Variants in UGGT2 observed in about 807,000 individuals in gnomAD.
UGGT2 encodes UDP-glucose:glycoprotein glucosyltransferase 2.
A neutral mutation model predicts 192.1 loss-of-function variants in UGGT2; 180 were observed. The ratio of observed to expected loss-of-function variants is 0.94; its 90% CI spans 0.83 to 1.06. The LOEUF (loss-of-function observed/expected upper bound fraction) is 1.06, where lower values mean the gene tolerates loss of function less well. UGGT2 is among the 50% of genes least tolerant of loss of function. The probability of loss-of-function intolerance (pLI) is 0.00; values close to 1 mark genes in which losing one functional copy is unlikely to be tolerated. For synonymous variants in UGGT2, 580 were observed against 591.0 expected (o/e 0.98, Z 0.27); for missense variants, 1,849 against 1,795.7 (o/e 1.03, Z -0.54).
chr13:95,859,080 T>A (rs1008467358), intron 33 of UGGT2, among the ~76,000 whole-genome samples: 1 of 152,084 alleles, frequency 6.6e-6, no homozygotes, highest in Non-Finnish European at 1.5e-5. Flanking sequence ...TAGGGCTGAG[T>A]AAAGGGTAAT....
intron 27 of UGGT2, among the ~76,000 whole-genome samples, chr13:95,879,895 AT>A (rs77881466): frequency 1.6e-4 from 25 of 151,942 alleles, no homozygotes; most frequent in African/African-American, 4.6e-4. Context: ...GAATGTATTA[AT>A]TTTTTTTTAT....
chr13:95,883,681 G>A (rs534838571), intron 27 of UGGT2, among the ~76,000 whole-genome samples: 1 of 152,084 alleles, frequency 6.6e-6, no homozygotes, highest in South Asian at 2.1e-4. Context: ...TGCTTCTGGA[G>A]GCCTCCCTAG....
At chr13:95,847,461 C>A (rs1435409144) in intron 36 of UGGT2, among the ~76,000 whole-genome samples, 1 of 152,174 alleles carries the variant, frequency 6.6e-6, no homozygotes, top group Non-Finnish European at 1.5e-5. Context: ...TCACTTGCCC[C>A]CTCCCTGCCA....
chr13:95,872,195 A>G (rs1891281677), intron 29 of UGGT2, among the ~76,000 whole-genome samples: 1 of 152,218 alleles, frequency 6.6e-6, no homozygotes, highest in Non-Finnish European at 1.5e-5. Context: ...AAAGAAATAA[A>G]GGAGAATAAT....
At chr13:95,831,596 CTTTTT>C (rs996921384) in intron 38 of UGGT2, among the ~76,000 whole-genome samples, 2 of 151,866 alleles carry the variant, frequency 1.3e-5, no homozygotes, top group Non-Finnish European at 2.9e-5. Context: ...CATCATTTTT[CTTTTT>C]TTAAGTTTGT....
At chr13:95,885,713 G>T (rs1166188675) in intron 26 of UGGT2, among the ~76,000 whole-genome samples, 1 of 152,122 alleles carries the variant, frequency 6.6e-6, no homozygotes, top group African/African-American at 2.4e-5. Context: ...AAACAGGAGA[G>T]AATACAGTCA....
Position 95,878,692 on chromosome 13 carries a change from T to A in UGGT2, c.3229-836A>T, listed in dbSNP as rs186821789. ...ATTAAAGACAGCAATGTTACCTATA[T>A]CTAATCTTATTTCACCATATTAGGT... On this transcript the variant is annotated intron_variant, in intron 27 of 38. Transcript: ENST00000376747. Among the ~76,000 whole-genome samples, 139 of 152,338 alleles carry A rather than the reference T, an allele frequency of 9.1e-4. 1 individual carries two copies. Among genetic ancestry groups the A allele is most frequent in the Admixed American group, 8.3e-3 (127 of 15,306 alleles).
chr13:95,856,401 A>C, intron 33 of UGGT2, 61 bp from the exon 34 acceptor site: 1 of 1,549,030 alleles, frequency 6.5e-7, no homozygotes, highest in South Asian at 1.2e-5. Flanking sequence ...TGTTTTAGAG[A>C]AAAAAATAAC....
chr13:95,934,391 G>A (rs1170013145), intron 17 of UGGT2, among the ~76,000 whole-genome samples: 1 of 152,202 alleles, frequency 6.6e-6, no homozygotes, highest in Non-Finnish European at 1.5e-5. Flanking sequence ...ACTGATCAGT[G>A]TCCATTTAAG....
intron 36 of UGGT2, among the ~76,000 whole-genome samples, chr13:95,838,287 G>T (rs1336920710): frequency 1.3e-5 from 2 of 152,052 alleles, no homozygotes; most frequent in East Asian, 3.8e-4. Flanking sequence ...AAAATTCTGA[G>T]GAAAGAAATC....
intron 30 of UGGT2, among the ~76,000 whole-genome samples, chr13:95,865,654 A>G (rs1183406518): frequency 1.3e-5 from 2 of 152,186 alleles, no homozygotes; most frequent in African/African-American, 4.8e-5. Context: ...ACAGAGCGAG[A>G]CTACATCTCA....
At chr13:95,979,522 A>T (rs2051046022) in intron 10 of UGGT2, among the ~76,000 whole-genome samples, 1 of 116,998 alleles carries the variant, frequency 8.5e-6, no homozygotes, top group African/African-American at 3.2e-5. Context: ...GTAAATATAT[A>T]TTCTCATTTC....
intron 36 of UGGT2, among the ~76,000 whole-genome samples, chr13:95,851,740 G>C (rs1042344764): frequency 6.6e-6 from 1 of 152,326 alleles, no homozygotes. Flanking sequence ...AACTACATTT[G>C]AGTAAGGACA....
At chr13:95,805,833 T>C (rs915330104) in intron 38 of UGGT2, among the ~76,000 whole-genome samples, 1 of 152,110 alleles carries the variant, frequency 6.6e-6, no homozygotes, top group South Asian at 2.1e-4. Context: ...GAAAAAGTTC[T>C]GGAGTTCTAT....
chr13:95,970,756 T>C (rs1945674253), intron 11 of UGGT2, among the ~76,000 whole-genome samples: 1 of 152,166 alleles, frequency 6.6e-6, no homozygotes, highest in Non-Finnish European at 1.5e-5. Context: ...TAGAAAGTAT[T>C]ACTGTAAACA....
rs1164996051 is a variant in UGGT2 at position 95,887,983 on chromosome 13, A to G, written c.2959-12T>C. The G allele has an allele frequency of 1.3e-6, 2 of 1,559,670 alleles. No individual in the cohort carries two copies. Among genetic ancestry groups the G allele is most frequent in the Admixed American group, 3.4e-5 (2 of 57,996 alleles). On this transcript the variant is annotated splice_polypyrimidine_tract_variant and intron_variant, in intron 25 of 38. Coordinates refer to ENST00000376747, the MANE Select transcript of UGGT2 (RefSeq NM_020121.4). ...ATCTTGCCAAGTACCTATTGGAAAG[A>G]AATTCCCATGTTTGATATTAAATAA... is the stretch of plus-strand genomic sequence containing the variant.
intron 36 of UGGT2, among the ~76,000 whole-genome samples, chr13:95,850,942 C>T (rs1478562028): frequency 6.6e-6 from 1 of 152,218 alleles, no homozygotes; most frequent in Non-Finnish European, 1.5e-5. Flanking sequence ...AGCCCATATC[C>T]AATGACTGGT....
At chr13:95,860,224 A>G (rs1890028665) in intron 32 of UGGT2, among the ~76,000 whole-genome samples, 1 of 151,596 alleles carries the variant, frequency 6.6e-6, no homozygotes, top group Non-Finnish European at 1.5e-5. Context: ...GTACTTTGCA[A>G]TATGCATTTC....
intron 27 of UGGT2, among the ~76,000 whole-genome samples, chr13:95,881,596 A>G (rs2047497454): frequency 1.3e-5 from 2 of 152,202 alleles, no homozygotes; most frequent in African/African-American, 4.8e-5. Context: ...GAATATATCA[A>G]TAAATAAAAC....
Sources: allele counts gnomAD v4.1 joint callset (sites outside exome capture counted in the v4.1 genomes callset), GRCh38; gene constraint gnomAD v4.1.1; transcripts MANE v1.5; gene names NCBI Gene and HGNC (gene_info 2026-07-23, HGNC 2026-07-21).